AGGF1: variants seen among roughly 807,000 people sequenced by gnomAD.
The protein encoded by AGGF1 is angiogenic factor with G patch and FHA domains 1.
Under a neutral mutation model 86.5 loss-of-function variants are expected in AGGF1, and 56 were observed. The ratio of observed to expected loss-of-function variants is 0.65; its 90% confidence interval spans 0.52 to 0.81. The LOEUF is 0.81. AGGF1 is among the 30% of genes least tolerant of loss of function. The pLI is 0.00. For missense variants in AGGF1, 816 were observed against 850.9 expected (o/e 0.96, Z 0.51); for synonymous variants, 313 against 297.1 (o/e 1.05, Z -0.55).
chr5:77,048,160 GATGA>G lies in AGGF1; in HGVS notation c.1203_1206del (p.Asp401GlufsTer11). On this transcript the variant is annotated frameshift_variant and splice_region_variant, in exon 7 of 14. Transcript: ENST00000312916. LOFTEE classifies it high-confidence loss of function. ...TATTTACTCACTTCTTTCCTTGGCA[GATGA>G]AGACAAAATTTGGCCCCCATGTATT... is the stretch of plus-strand genomic sequence containing the variant. 6.3e-7 allele frequency: 1 copy of G among 1,598,606 alleles called. No individual in the cohort carries two copies. The highest frequency in any genetic ancestry group is 8.6e-7 in the Non-Finnish European group (1 of 1,166,502).
At chr5:77,048,561 C>T (rs1747313688) in intron 7 of AGGF1, among the ~76,000 whole-genome samples, 1 of 152,162 alleles carries the variant, frequency 6.6e-6, no homozygotes, top group Non-Finnish European at 1.5e-5. Flanking sequence ...CCATGTTGGC[C>T]AGACTGGTCT....
chr5:77,039,788 T>A (rs896791439), intron 5 of AGGF1, 69 bp downstream of exon 5: 1 of 1,369,812 alleles, frequency 7.3e-7, no homozygotes, highest in Non-Finnish European at 1.0e-6. Flanking sequence ...AAATTTTTTA[T>A]GAAACTGACA....
In AGGF1 at chr5:77,030,515, C is replaced by G. The variant is rs117915273; in HGVS notation, c.-252C>G. The G allele has an allele frequency of 5.0e-5, 34 of 675,508 alleles. No individual in the cohort carries two copies. The East Asian group carries it at 8.6e-4, about 17-fold the overall frequency. 41.8% of individuals were successfully genotyped at this position (675,508 alleles called of 1,614,324 possible). ...TCTCTGTAGCTGGAGAAGGTAGTTTCCAGGAAAGTTTTCCGGTTTGCAGGC... is the reference window on the plus strand; with the variant it reads ...TCTCTGTAGCTGGAGAAGGTAGTTTGCAGGAAAGTTTTCCGGTTTGCAGGC... On this transcript the variant is annotated 5_prime_UTR_variant, in exon 1 of 14. Transcript: ENST00000312916.
intron 11 of AGGF1, among the ~76,000 whole-genome samples, chr5:77,058,388 A>G (rs772895909): frequency 9.2e-5 from 14 of 152,198 alleles, no homozygotes; most frequent in Non-Finnish European, 1.8e-4. Context: ...TTTATACTTC[A>G]AGAAGATGTG....
chr5:77,043,032 C>T (rs1580127905), intron 5 of AGGF1, among the ~76,000 whole-genome samples: 6 of 64,270 alleles, frequency 9.3e-5, no homozygotes, highest in South Asian at 6.5e-4. Context: ...CCCTCCCGGA[C>T]GGGGCGGCTG....
rs776645283 is a variant in AGGF1, at chr5:77,036,551, T to C, written c.517-5T>C. The stretch of plus-strand genomic sequence containing the variant: ...TCTTATTTGGCATGACTATATCTTT[T>C]ATAGGAGCCAGCATCTGCATTAGCA... On this transcript the variant is annotated splice_polypyrimidine_tract_variant and splice_region_variant and intron_variant, in intron 3 of 13. Coordinates refer to ENST00000312916, the MANE Select transcript of AGGF1 (RefSeq NM_018046.5). The C allele has an allele frequency of 6.2e-7, 1 of 1,614,030 alleles. No individual in the cohort carries two copies. The highest frequency in any genetic ancestry group is 8.5e-7 in the Non-Finnish European group (1 of 1,179,916).
intron 5 of AGGF1, among the ~76,000 whole-genome samples, chr5:77,043,389 C>T (rs1747167080): frequency 3.3e-5 from 2 of 61,220 alleles, no homozygotes; most frequent in African/African-American, 6.5e-5. Context: ...CCGGACGGGG[C>T]GGCTGGCCGG....
chr5:77,056,056 C>T (rs932370904), intron 11 of AGGF1, among the ~76,000 whole-genome samples: 1 of 151,910 alleles, frequency 6.6e-6, no homozygotes, highest in Non-Finnish European at 1.5e-5. Context: ...ACTAATATGA[C>T]CTGATGTAAA....
chr5:77,053,836 T>C, intron 9 of AGGF1, 129 bp from the exon 10 acceptor site: 1 of 933,330 alleles, frequency 1.1e-6, no homozygotes, highest in East Asian at 2.7e-5. Context: ...TGTATGTGTA[T>C]GTGTCTATTT....
At position 77,064,494 on chromosome 5, in the gene AGGF1, G is replaced by A. The variant is rs1354786137; in HGVS notation, c.*1242G>A. On this transcript the variant is annotated 3_prime_UTR_variant, in exon 14 of 14. Transcript: ENST00000312916. ...GAATTTCCAGTCTAAATGGCACAGGGTAGTTACGGAGAAAAGGGGATGGAG... is the reference window on the plus strand; with the variant it reads ...GAATTTCCAGTCTAAATGGCACAGGATAGTTACGGAGAAAAGGGGATGGAG... The A allele has an allele frequency of 6.6e-6, 1 of 152,224 alleles. No homozygotes were observed. The highest frequency in any genetic ancestry group is 1.5e-5 in the Non-Finnish European group (1 of 68,050). 9.4% of individuals were successfully genotyped at this position (152,224 alleles called of 1,614,324 possible). A position where few individuals can be genotyped will look rare whatever the true frequency, so the allele number is the denominator to read the frequency against.
chr5:77,059,290 A>G (rs958314679), intron 11 of AGGF1, among the ~76,000 whole-genome samples: 8 of 152,230 alleles, frequency 5.3e-5, no homozygotes, highest in Non-Finnish European at 1.0e-4. Context: ...TTTAAAGGGA[A>G]TAGACTAAAA....
At chr5:77,033,750 G>A (rs1022456553) in intron 1 of AGGF1, among the ~76,000 whole-genome samples, 3 of 152,158 alleles carry the variant, frequency 2.0e-5, no homozygotes, top group Non-Finnish European at 4.4e-5. Flanking sequence ...TCACATTGAG[G>A]TCCTCTCAGG....
In AGGF1 at chr5:77,035,602, A is replaced by G; in HGVS notation, c.375A>G (p.Ser125=). The G allele has an allele frequency of 6.2e-7, 1 of 1,613,576 alleles. No homozygotes were observed. The highest frequency in any genetic ancestry group is 8.5e-7 in the Non-Finnish European group (1 of 1,179,644). The stretch of plus-strand genomic sequence containing the variant: ...TTCCAAATAAAGTGACTGAACTGTC[A>G]GATCAACAAGATCAAGCTATCGAAA... ...VSLPNKVTEL[S]DQQDQAIETS... Residue 125 remains serine (S), a synonymous_variant, in exon 3 of 14, where the codon TCA becomes TCG. Coordinates refer to ENST00000312916, the MANE Select transcript of AGGF1 (RefSeq NM_018046.5).
chr5:77,054,450 C>A (rs1389182648), intron 10 of AGGF1, among the ~76,000 whole-genome samples: 4 of 152,088 alleles, frequency 2.6e-5, no homozygotes, highest in Non-Finnish European at 4.4e-5. Flanking sequence ...GCTTTTTGAC[C>A]AGGAAAGAGA....
chr5:77,060,248 G>A (rs1045602728), intron 12 of AGGF1, among the ~76,000 whole-genome samples: 2 of 152,118 alleles, frequency 1.3e-5, no homozygotes, highest in Non-Finnish European at 1.5e-5. Context: ...AAATTGCTGA[G>A]CAAATACATG....
At chr5:77,040,162 G>T (rs1399207778) in intron 5 of AGGF1, among the ~76,000 whole-genome samples, 2 of 148,968 alleles carry the variant, frequency 1.3e-5, no homozygotes, top group African/African-American at 2.5e-5. Flanking sequence ...GGGCTGGAAT[G>T]CAATGGCGTG....
At chr5:77,037,414 G>A (rs1451303008) in intron 4 of AGGF1, among the ~76,000 whole-genome samples, 2 of 152,080 alleles carry the variant, frequency 1.3e-5, no homozygotes, top group East Asian at 1.9e-4. Context: ...CTTCTTTCTT[G>A]AATTCTTAGT....
At chr5:77,056,654 A>G (rs1747467080) in intron 11 of AGGF1, among the ~76,000 whole-genome samples, 1 of 152,162 alleles carries the variant, frequency 6.6e-6, no homozygotes, top group South Asian at 2.1e-4. Flanking sequence ...AAAGTGGATC[A>G]TAGATATAAA....
intron 8 of AGGF1, among the ~76,000 whole-genome samples, chr5:77,049,539 A>T (rs1033689767): frequency 2.0e-5 from 3 of 148,656 alleles, no homozygotes; most frequent in African/African-American, 7.4e-5. Context: ...GATTCTTTAT[A>T]TATTTTTACT....
Sources: gnomAD v4.1 joint callset for allele counts (sites outside exome capture counted in the v4.1 genomes callset) on GRCh38, gnomAD v4.1.1 for gene constraint, MANE v1.5 for transcripts, NCBI Gene and HGNC (gene_info 2026-07-23, HGNC 2026-07-21) for gene names.